The following LUC7L2 variants were observed in gnomAD, a reference collection of about 807,000 sequenced individuals.
LUC7L2 encodes the protein LUC7 like 2, pre-mRNA splicing factor.
A neutral mutation model predicts 52.8 loss-of-function variants in LUC7L2; 25 were observed. That is an observed-to-expected ratio of 0.47 (90% CI 0.34 to 0.66). The LOEUF (loss-of-function observed/expected upper bound fraction) is 0.66, where lower values mean the gene tolerates loss of function less well. Ranked by LOEUF, LUC7L2 falls within the 30% of genes least tolerant of loss-of-function variation. The pLI is 0.01. For missense variants in LUC7L2, 328 were observed against 497.8 expected, an observed-to-expected ratio of 0.66 and a Z score of 3.25; for synonymous variants, 144 against 160.9, an observed-to-expected ratio of 0.89 and a Z score of 0.80.
intron 2 of LUC7L2, among the ~76,000 whole-genome samples, chr7:139,377,330 G>A (rs777603753): frequency 5.3e-5 from 8 of 151,196 alleles, no homozygotes; most frequent in South Asian, 4.2e-4. Flanking sequence ...TCAGCCTCCG[G>A]TGTAGCTGGA....
chr7:139,374,862 CTTTT>C, intron 1 of LUC7L2: 1 of 1,000,850 alleles, frequency 1.0e-6, no homozygotes, highest in Non-Finnish European at 1.2e-6. Context: ...AAGTTTTAAT[CTTTT>C]TTGTTATTTA....
intron 1 of LUC7L2, among the ~76,000 whole-genome samples, chr7:139,353,977 T>G (rs6945411): frequency 0.39 from 58,524 of 150,388 alleles, 15,714 homozygotes; most frequent in African/African-American, 0.77. Flanking sequence ...TTAGCTGGGC[T>G]TGGTGGCTGG....
intron 1 of LUC7L2, chr7:139,341,535 T>C (rs748958951): frequency 6.2e-7 from 1 of 1,608,746 alleles, no homozygotes; most frequent in Admixed American, 1.7e-5. Context: ...ACGGGAGCCA[T>C]GTCCCGGGTG....
At chr7:139,345,435 T>G in intron 1 of LUC7L2, 1 of 1,590,434 alleles carries the variant, frequency 6.3e-7, no homozygotes. Context: ...GCTTATTTAT[T>G]AAATCTTTCT....
chr7:139,403,017 A>G (rs570141000), intron 4 of LUC7L2, among the ~76,000 whole-genome samples: 1 of 152,318 alleles, frequency 6.6e-6, no homozygotes, highest in South Asian at 2.1e-4. Flanking sequence ...GGAGTGTTAC[A>G]TAAATGAAAT....
rs754471383 is a variant in LUC7L2, at chr7:139,409,669, G to C, written c.779+15G>C. The C allele has an allele frequency of 6.3e-7, 1 of 1,579,530 alleles. No individual in the cohort carries two copies. Among genetic ancestry groups the C allele is most frequent in the Admixed American group, 1.9e-5 (1 of 52,146 alleles). ...AAGCTGAGGAGGTATGGAGTAATGG[G>C]CCAAGTAATTGAAGTTGAATCTCTG... On this transcript the variant is annotated intron_variant, in intron 7 of 9. Coordinates refer to ENST00000354926, the MANE Select transcript of LUC7L2 (RefSeq NM_016019.5).
At chr7:139,345,529 A>T (rs748933522) in intron 1 of LUC7L2, 1 of 1,614,186 alleles carries the variant, frequency 6.2e-7, no homozygotes, top group Non-Finnish European at 8.5e-7. Context: ...TGCAGAGCCC[A>T]ACATGAGCTT....
At chr7:139,407,439 C>A in intron 6 of LUC7L2, 89 bp downstream of exon 6, 1 of 1,417,760 alleles carries the variant, frequency 7.1e-7, no homozygotes, top group Non-Finnish European at 9.4e-7. Flanking sequence ...GACTATGATT[C>A]AGTAATATAG....
In LUC7L2 at chr7:139,407,220, A is replaced by G. The variant is rs1195039276; in HGVS notation, c.557A>G (p.Lys186Arg). The change falls in exon 6 of 10, where the codon AAA (lysine) becomes AGA (arginine). Residue 186 changes from lysine to arginine, a missense_variant. Around this residue, in one of 2 missense-constraint regions of LUC7L2, gnomAD observed 133 missense variants for 274.4 expected, o/e 0.48. Coordinates refer to ENST00000354926, the MANE Select transcript of LUC7L2 (RefSeq NM_016019.5). ...SMPASSFQQQ[K>R]LRVCEVCSAY... is the part of the protein sequence containing the mutation. ...CCAGCTTCCAGTTTTCAGCAGCAGA[A>G]ACTTCGAGTCTGTGAAGTCTGCTCT... The G allele has an allele frequency of 6.2e-7, 1 of 1,612,000 alleles. No individual in the cohort carries two copies.
intron 2 of LUC7L2, among the ~76,000 whole-genome samples, chr7:139,385,249 T>G (rs1188483850): frequency 6.6e-6 from 1 of 151,832 alleles, no homozygotes; most frequent in African/African-American, 2.4e-5. Context: ...TCACATATAT[T>G]CCCCCTGCAG....
intron 1 of LUC7L2, among the ~76,000 whole-genome samples, chr7:139,344,297 C>T (rs1044902189): frequency 6.6e-6 from 1 of 152,146 alleles, no homozygotes; most frequent in Non-Finnish European, 1.5e-5. Context: ...CCCCCACCCC[C>T]ACTCAGGAAT....
At chr7:139,367,489 G>A (rs1800222844) in intron 1 of LUC7L2, among the ~76,000 whole-genome samples, 2 of 152,164 alleles carry the variant, frequency 1.3e-5, no homozygotes, top group South Asian at 4.1e-4. Context: ...AACAAGTACT[G>A]TTGCAAAATG....
At chr7:139,419,731 A>T (rs1448579485) in intron 9 of LUC7L2, among the ~76,000 whole-genome samples, 2 of 152,136 alleles carry the variant, frequency 1.3e-5, no homozygotes, top group East Asian at 3.9e-4. Flanking sequence ...GTTGTATAGG[A>T]ATTTTTCCAC....
chr7:139,406,188 A>G (rs868132630), intron 5 of LUC7L2, among the ~76,000 whole-genome samples: 1 of 152,022 alleles, frequency 6.6e-6, no homozygotes, highest in Non-Finnish European at 1.5e-5. Context: ...AGTAGCTGGG[A>G]TTACAGGCCC....
intron 1 of LUC7L2, chr7:139,374,582 A>G: frequency 6.5e-7 from 1 of 1,535,610 alleles, no homozygotes; most frequent in Admixed American, 2.0e-5. Context: ...GCAGGCGTAA[A>G]CACTAAACTG....
chr7:139,369,409 A>G, intron 1 of LUC7L2, among the ~76,000 whole-genome samples: 1 of 152,150 alleles, frequency 6.6e-6, no homozygotes, highest in Non-Finnish European at 1.5e-5. Context: ...AGGCTGATAG[A>G]TTTCCTAAAG....
At chr7:139,391,959 T>A (rs575396141) in intron 2 of LUC7L2, among the ~76,000 whole-genome samples, 2 of 152,314 alleles carry the variant, frequency 1.3e-5, no homozygotes, top group South Asian at 2.1e-4. Context: ...ACTAGAAAGT[T>A]CAAACAACCC....
chr7:139,371,497 C>G, intron 1 of LUC7L2: 1 of 1,547,320 alleles, frequency 6.5e-7, no homozygotes, highest in Non-Finnish European at 8.7e-7. Context: ...TAAAATAGCA[C>G]CTAAATCTAT....
rs761686340 is a variant in LUC7L2 at position 139,409,634 on chromosome 7, A to G, written c.759A>G (p.Glu253=). 2.3e-5 allele frequency: 37 copies of G among 1,610,778 alleles called. No homozygotes were observed. The highest frequency in any genetic ancestry group is 3.1e-5 in the Non-Finnish European group (36 of 1,178,166). ...RLKRREERER[E]EREKLRRSRS... ...AACGAAGAGAAGAGAGAGAGAGAGAAGAAAGGGAGAAGCTGAGGAGGTATG... is the reference window on the plus strand; with the variant it reads ...AACGAAGAGAAGAGAGAGAGAGAGAGGAAAGGGAGAAGCTGAGGAGGTATG... Residue 253 remains glutamate, a synonymous_variant, in exon 7 of 10, where the codon GAA becomes GAG. Transcript: ENST00000354926.
Sources: gnomAD v4.1 joint callset for allele counts (sites outside exome capture counted in the v4.1 genomes callset) on GRCh38, gnomAD v4.1.1 for gene constraint, gnomAD v4.1.1 regional missense constraint, MANE v1.5 for transcripts, NCBI Gene and HGNC (gene_info 2026-07-23, HGNC 2026-07-21) for gene names.